The following MARCHF1 variants were observed in gnomAD, a reference collection of about 807,000 sequenced individuals.
MARCHF1 encodes the protein membrane associated ring-CH-type finger 1.
MARCHF1 carries 40 observed loss-of-function variants against 54.2 expected under a neutral mutation model. The observed-to-expected ratio is 0.74, with a 90% CI of 0.57 to 0.96. The LOEUF is 0.96. Ranked by LOEUF, MARCHF1 falls within the 40% of genes least tolerant of loss-of-function variation. The pLI is 0.00. For synonymous variants in MARCHF1, 236 were observed against 236.3 expected, an observed-to-expected ratio of 1.00 and a Z score of 0.01; for missense variants, 586 against 656.5, an observed-to-expected ratio of 0.89 and a Z score of 1.17.
chr4:163,634,084 C>T (rs1054147583), intron 5 of MARCHF1, among the ~76,000 whole-genome samples: 3 of 152,152 alleles, frequency 2.0e-5, no homozygotes, highest in Non-Finnish European at 2.9e-5. Context: ...CCTAAAAGAG[C>T]TCCTGAAGGA....
chr4:163,784,082 CAAGTT>C (rs1370283621), intron 4 of MARCHF1, among the ~76,000 whole-genome samples: 8 of 151,686 alleles, frequency 5.3e-5, no homozygotes, highest in Non-Finnish European at 1.0e-4. Context: ...GCACTCAATT[CAAGTT>C]ATTAATTTCT....
intron 1 of MARCHF1, among the ~76,000 whole-genome samples, chr4:164,183,637 C>A (rs1158496941): frequency 2.8e-4 from 43 of 152,138 alleles, no homozygotes; most frequent in Non-Finnish European, 2.1e-4. Flanking sequence ...ACTTTTGGAG[C>A]CAAAATTATT....
intron 1 of MARCHF1, among the ~76,000 whole-genome samples, chr4:164,274,659 C>CTTTTTTTTTTTTT (rs70952617): frequency 2.0e-4 from 9 of 44,656 alleles, no homozygotes; most frequent in Non-Finnish European, 4.4e-4. Flanking sequence ...TCAGGGTACA[C>CTTTTTTTTTTTTT]TTTTTTTTTT....
Position 163,747,619 on chromosome 4 carries a change from A to G in MARCHF1, c.112-46756T>C, listed in dbSNP as rs533161352. Among the ~76,000 whole-genome samples, 9 of 152,352 alleles carry G rather than the reference A, an allele frequency of 5.9e-5. No homozygotes were observed. In the East Asian group the frequency reaches 1.7e-3, roughly 29 times the overall value. Reference sequence around the variant, plus strand: ...GAAAAAATATCAGGCAGATTCCTAGAAAAATGGAACAAGAGGACCAAATTG... The same window carrying G: ...GAAAAAATATCAGGCAGATTCCTAGGAAAATGGAACAAGAGGACCAAATTG... On this transcript the variant is annotated intron_variant, in intron 4 of 9. Transcript: ENST00000514618.
chr4:164,197,025 C>T (rs566329375), intron 1 of MARCHF1: 6 of 1,605,384 alleles, frequency 3.7e-6, no homozygotes, highest in Non-Finnish European at 4.3e-6. Context: ...GCTTCTGACC[C>T]CTTTCTTCTT....
At chr4:164,032,515 G>T (rs1352929993) in intron 2 of MARCHF1, among the ~76,000 whole-genome samples, 2 of 152,130 alleles carry the variant, frequency 1.3e-5, no homozygotes, top group African/African-American at 4.8e-5. Context: ...CTGTGTCTCA[G>T]AGATTCTGGT....
chr4:164,180,559 G>T (rs1205968942), intron 1 of MARCHF1, among the ~76,000 whole-genome samples: 1 of 152,108 alleles, frequency 6.6e-6, no homozygotes, highest in Non-Finnish European at 1.5e-5. Flanking sequence ...AATTGGCATG[G>T]TGCTCCTTTA....
At chr4:164,024,334 G>A (rs1753725106) in intron 2 of MARCHF1, among the ~76,000 whole-genome samples, 1 of 152,126 alleles carries the variant, frequency 6.6e-6, no homozygotes, top group African/African-American at 2.4e-5. Context: ...AAGGCAGCTA[G>A]AGAGATGAGT....
At chr4:163,715,111 G>A (rs1440163861) in intron 4 of MARCHF1, among the ~76,000 whole-genome samples, 1 of 152,166 alleles carries the variant, frequency 6.6e-6, no homozygotes, top group Non-Finnish European at 1.5e-5. Context: ...TTTGGTCATA[G>A]TATATTATAA....
At chr4:163,917,341 C>G in intron 3 of MARCHF1, among the ~76,000 whole-genome samples, 1 of 152,110 alleles carries the variant, frequency 6.6e-6, no homozygotes, top group Non-Finnish European at 1.5e-5. Flanking sequence ...CAACACAGTA[C>G]TATTTTGTCT....
At chr4:163,660,992 C>CTT (rs1439384104) in intron 5 of MARCHF1, among the ~76,000 whole-genome samples, 1 of 151,946 alleles carries the variant, frequency 6.6e-6, no homozygotes, top group East Asian at 1.9e-4. Context: ...GGTATTTACA[C>CTT]TTTGTATTCC....
chr4:163,977,309 G>A (rs1030493014), intron 3 of MARCHF1, among the ~76,000 whole-genome samples: 7 of 152,018 alleles, frequency 4.6e-5, no homozygotes, highest in South Asian at 2.1e-4. Flanking sequence ...AAGAAAACCT[G>A]ATCAGTAGCT....
chr4:163,982,805 A>G (rs1389157712), intron 3 of MARCHF1, among the ~76,000 whole-genome samples: 1 of 152,136 alleles, frequency 6.6e-6, no homozygotes, highest in Non-Finnish European at 1.5e-5. Flanking sequence ...ATGTCCTTAT[A>G]CAAGCCACCC....
chr4:164,178,598 T>C (rs1376058262), intron 1 of MARCHF1, among the ~76,000 whole-genome samples: 3 of 152,178 alleles, frequency 2.0e-5, no homozygotes, highest in Non-Finnish European at 4.4e-5. Flanking sequence ...GGAGCTCAAG[T>C]TCCTAGATTA....
At chr4:163,986,808 T>C (rs1273143360) in intron 3 of MARCHF1, among the ~76,000 whole-genome samples, 1 of 152,194 alleles carries the variant, frequency 6.6e-6, no homozygotes, top group Non-Finnish European at 1.5e-5. Context: ...AAAAATTATA[T>C]AAGCCATCTC....
chr4:164,364,775 T>C (rs184346626), intron 1 of MARCHF1, among the ~76,000 whole-genome samples: 208 of 151,994 alleles, frequency 1.4e-3, no homozygotes, highest in African/African-American at 4.9e-3. Context: ...TTTAACCCAT[T>C]TGAGGTTTTT....
At chr4:163,911,679 A>C (rs1447831452) in intron 3 of MARCHF1, among the ~76,000 whole-genome samples, 1 of 152,088 alleles carries the variant, frequency 6.6e-6, no homozygotes, top group African/African-American at 2.4e-5. Flanking sequence ...TTGAGAAAAA[A>C]ACCTTTAAAA....
intron 1 of MARCHF1, among the ~76,000 whole-genome samples, chr4:164,284,028 G>A (rs1212062773): frequency 2.7e-5 from 4 of 150,940 alleles, no homozygotes; most frequent in African/African-American, 4.9e-5. Flanking sequence ...AACAATCAAG[G>A]TTAATTTCTG....
At chr4:163,564,826 T>A (rs1739590661) in intron 8 of MARCHF1, among the ~76,000 whole-genome samples, 1 of 152,124 alleles carries the variant, frequency 6.6e-6, no homozygotes, top group Non-Finnish European at 1.5e-5. Context: ...GTCATTGGGA[T>A]TTTCCTTTAA....
Sources: gnomAD v4.1 joint callset for allele counts (sites outside exome capture counted in the v4.1 genomes callset) on GRCh38, gnomAD v4.1.1 for gene constraint, MANE v1.5 for transcripts, NCBI Gene and HGNC (gene_info 2026-07-23, HGNC 2026-07-21) for gene names.